The following DPP10 variants were observed in gnomAD, a reference collection of about 807,000 sequenced individuals.
The protein encoded by DPP10 is dipeptidyl peptidase like 10.
In DPP10, 33 loss-of-function variants were observed where a neutral mutation model predicts 120.9. That is an observed-to-expected ratio of 0.27 (90% CI 0.21 to 0.37). The LOEUF (loss-of-function observed/expected upper bound fraction) is 0.37, where lower values mean the gene tolerates loss of function less well. Ranked by LOEUF, DPP10 falls within the 10% of genes least tolerant of loss-of-function variation. The pLI, the probability that DPP10 is intolerant of heterozygous loss-of-function variation, is 1.00. For synonymous variants in DPP10, 337 were observed against 326.1 expected, an observed-to-expected ratio of 1.03 and a Z score of -0.36; for missense variants, 816 against 942.8, an observed-to-expected ratio of 0.87 and a Z score of 1.76.
At chr2:115,618,506 A>G (rs1404562128) in intron 5 of DPP10, among the ~76,000 whole-genome samples, 1 of 152,182 alleles carries the variant, frequency 6.6e-6, no homozygotes, top group East Asian at 1.9e-4. Flanking sequence ...GGCACTTCCC[A>G]TGGTTTCATT....
Position 115,820,794 on chromosome 2 carries a change from GGTGTATGTGTGTGTGTGT to G in DPP10, c.1950+5070_1950+5087del, listed in dbSNP as rs774984014. ...TTTTTATGGCTGAGTAGTATTCCAT[GGTGTATGTGTGTGTGTGT>G]GTGTGTGTGTGTGTGTGTGTGTGTA... On this transcript the variant is annotated intron_variant, in intron 21 of 25. Transcript: ENST00000410059. Among the ~76,000 whole-genome samples, 747 of 112,736 alleles carry G rather than the reference GGTGTATGTGTGTGTGTGT, an allele frequency of 6.6e-3. 8 individuals carry two copies. Among genetic ancestry groups the G allele is most frequent in the African/African-American group, 0.021 (717 of 33,724 alleles). The allele number at this position is 112,736 out of a possible 152,430, so 74.0% of individuals were successfully genotyped here.
chr2:114,481,896 A>G (rs1290065621), intron 1 of DPP10, among the ~76,000 whole-genome samples: 3 of 151,256 alleles, frequency 2.0e-5, no homozygotes, highest in Non-Finnish European at 3.0e-5. Context: ...AAGAAGGAGA[A>G]GAGAGGAGAA....
intron 1 of DPP10, among the ~76,000 whole-genome samples, chr2:114,599,221 T>A (rs1692170259): frequency 6.6e-6 from 1 of 151,818 alleles, no homozygotes; most frequent in African/African-American, 2.4e-5. Flanking sequence ...ATGAAGTAGG[T>A]TTGTAATTTT....
intron 1 of DPP10, among the ~76,000 whole-genome samples, chr2:115,072,211 A>G (rs191567848): frequency 2.0e-5 from 3 of 152,254 alleles, no homozygotes; most frequent in Admixed American, 2.0e-4. Context: ...TGGTTATCTG[A>G]ACGAGAGCCC....
chr2:115,485,838 A>G (rs2075745793), intron 3 of DPP10, among the ~76,000 whole-genome samples: 1 of 152,062 alleles, frequency 6.6e-6, no homozygotes, highest in Admixed American at 6.5e-5. Context: ...AAATACAGCC[A>G]CTTTTTCTTT....
chr2:114,678,703 T>C (rs901421905), intron 1 of DPP10, among the ~76,000 whole-genome samples: 7 of 152,010 alleles, frequency 4.6e-5, no homozygotes, highest in African/African-American at 4.8e-5. Flanking sequence ...TAAACATTGG[T>C]GGAATTAATG....
intron 1 of DPP10, among the ~76,000 whole-genome samples, chr2:114,885,895 T>C (rs1692028861): frequency 6.6e-6 from 1 of 152,210 alleles, no homozygotes; most frequent in Non-Finnish European, 1.5e-5. Context: ...ATCACATTTC[T>C]AATTTGAATA....
At chr2:114,984,623 C>CCAAA (rs1558954442) in intron 1 of DPP10, among the ~76,000 whole-genome samples, 1 of 151,978 alleles carries the variant, frequency 6.6e-6, no homozygotes, top group Non-Finnish European at 1.5e-5. Context: ...AAAAACCTGT[C>CCAAA]TAAATAAATA....
chr2:114,695,018 T>A (rs755141824), intron 1 of DPP10, among the ~76,000 whole-genome samples: 3 of 152,006 alleles, frequency 2.0e-5, no homozygotes, highest in Admixed American at 1.3e-4. Flanking sequence ...CGGAGGACCT[T>A]GCCTAGTTAT....
At chr2:115,689,536 G>A in intron 5 of DPP10, 151 bp from the exon 6 acceptor site, 1 of 606,888 alleles carries the variant, frequency 1.6e-6, no homozygotes, top group Non-Finnish European at 2.9e-6. Context: ...AAGGCACAGA[G>A]AGGGTGATAA....
At chr2:115,457,203 T>G (rs564863362) in intron 3 of DPP10, among the ~76,000 whole-genome samples, 226 of 151,960 alleles carry the variant, frequency 1.5e-3, no homozygotes, top group Middle Eastern at 0.01. Context: ...GATAGGAAAA[T>G]TATATATCCA....
intron 1 of DPP10, among the ~76,000 whole-genome samples, chr2:115,193,925 A>G (rs765773635): frequency 6.6e-6 from 1 of 152,164 alleles, no homozygotes; most frequent in Non-Finnish European, 1.5e-5. Flanking sequence ...AATTAAATCT[A>G]AAAATGTGTG....
chr2:114,609,269 T>G (rs1693085147), intron 1 of DPP10, among the ~76,000 whole-genome samples: 1 of 152,162 alleles, frequency 6.6e-6, no homozygotes, highest in Non-Finnish European at 1.5e-5. Context: ...ATCTGTATAA[T>G]CTATATCTCA....
intron 1 of DPP10, among the ~76,000 whole-genome samples, chr2:115,151,184 A>AT (rs1233080164): frequency 2.0e-5 from 3 of 151,932 alleles, no homozygotes; most frequent in Non-Finnish European, 4.4e-5. Flanking sequence ...ATGTTACTTC[A>AT]TTTTTTTCTC....
At chr2:115,557,635 G>T (rs1263330755) in intron 5 of DPP10, among the ~76,000 whole-genome samples, 1 of 152,146 alleles carries the variant, frequency 6.6e-6, no homozygotes, top group Non-Finnish European at 1.5e-5. Context: ...TGGGCATATT[G>T]TGGAAATACT....
chr2:114,599,490 T>C (rs528790680), intron 1 of DPP10, among the ~76,000 whole-genome samples: 1 of 151,954 alleles, frequency 6.6e-6, no homozygotes, highest in Admixed American at 6.6e-5. Context: ...CATACTTGTT[T>C]GTTTCTGGCT....
intron 1 of DPP10, among the ~76,000 whole-genome samples, chr2:114,482,628 A>G (rs1329491063): frequency 6.6e-6 from 1 of 152,136 alleles, no homozygotes; most frequent in Non-Finnish European, 1.5e-5. Context: ...TATGTCAAGA[A>G]AAGAACACAA....
chr2:115,777,797 A>C lies in DPP10; in HGVS notation c.1324A>C (p.Ser442Arg). Residue 442 changes from serine (S) to arginine (R), a missense_variant, in exon 15 of 26, where the codon AGC becomes CGC. Ser to Arg is a moderately radical substitution (Grantham distance 110, BLOSUM62 -1). This residue lies in a region of DPP10 where 592 missense variants were observed against 649.0 expected (regional missense o/e 0.91). Coordinates refer to ENST00000410059, the MANE Select transcript of DPP10 (RefSeq NM_020868.6). Reference protein sequence around the residue: ...DETTQKIYFLSTESSPRGRQL... With the variant: ...DETTQKIYFLRTESSPRGRQL... ...TTCTTTCCTGGACAGTTACTTTCTG[A>C]GCACTGAATCTTCTCCCAGAGGAAG... 2 of 1,613,304 alleles carry C rather than the reference A, an allele frequency of 1.2e-6. No individual in the cohort carries two copies. Among genetic ancestry groups the C allele is most frequent in the Non-Finnish European group, 1.7e-6 (2 of 1,179,456 alleles).
Position 115,049,768 on chromosome 2 carries a change from G to A in DPP10, c.61-259471G>A, listed in dbSNP as rs576519822. On this transcript the variant is annotated intron_variant, in intron 1 of 25. Coordinates refer to ENST00000410059, the MANE Select transcript of DPP10 (RefSeq NM_020868.6). Reference sequence around the variant, plus strand: ...TGCACTCTTCTTCCTAGTTTTAACCGACAATTTAGTTCTCATGGTTCCCTT... The same window carrying A: ...TGCACTCTTCTTCCTAGTTTTAACCAACAATTTAGTTCTCATGGTTCCCTT... Among the ~76,000 whole-genome samples the A allele has an allele frequency of 3.2e-4, 48 of 152,126 alleles. 1 individual carries two copies. Among genetic ancestry groups the A allele is most frequent in the Non-Finnish European group, 6.3e-4 (43 of 68,016 alleles).
Sources: allele counts gnomAD v4.1 joint callset (sites outside exome capture counted in the v4.1 genomes callset), GRCh38; gene constraint gnomAD v4.1.1; regional missense constraint gnomAD v4.1.1; transcripts MANE v1.5; gene names NCBI Gene and HGNC (gene_info 2026-07-23, HGNC 2026-07-21).